The following RHOH variants were observed in gnomAD, a reference collection of about 807,000 sequenced individuals.
RHOH encodes the protein ras homolog family member H.
In RHOH, 6 loss-of-function variants were observed where a neutral mutation model predicts 13.8. The ratio of observed to expected loss-of-function variants is 0.44; its 90% CI spans 0.24 to 0.86. The LOEUF is 0.86. Among genes scored for constraint, RHOH ranks in the 40% least tolerant of loss-of-function variants. RHOH has a pLI of 0.24. For missense variants in RHOH, 147 were observed against 244.5 expected, an observed-to-expected ratio of 0.60 and a Z score of 2.66; for synonymous variants, 117 against 103.0, an observed-to-expected ratio of 1.14 and a Z score of -0.82.
chr4:40,227,831 C>T (rs1309227638), intron 1 of RHOH, among the ~76,000 whole-genome samples: 6 of 152,262 alleles, frequency 3.9e-5, no homozygotes, highest in African/African-American at 1.4e-4. Context: ...AAATTTTAAT[C>T]TTCACCAGTT....
rs191718829 is a variant in RHOH at position 40,211,030 on chromosome 4, T to C, written c.-331+13730T>C. On this transcript the variant is annotated intron_variant, in intron 1 of 2. Coordinates refer to ENST00000381799, the MANE Select transcript of RHOH (RefSeq NM_004310.5). ...CAGGTATGGAGTGGCAAACTAACAATGCGTGCCGTAGAGAATGTCATACAT... is the reference window on the plus strand; with the variant it reads ...CAGGTATGGAGTGGCAAACTAACAACGCGTGCCGTAGAGAATGTCATACAT... Among the ~76,000 whole-genome samples, 3 of 152,254 alleles carry C rather than the reference T, an allele frequency of 2.0e-5. No homozygotes were observed. In the East Asian group the frequency reaches 5.8e-4, roughly 29 times the overall value.
In RHOH at chr4:40,218,787, G is replaced by A. The variant is rs929881145; in HGVS notation, c.-331+21487G>A. On this transcript the variant is annotated intron_variant, in intron 1 of 2. Coordinates refer to ENST00000381799, the MANE Select transcript of RHOH (RefSeq NM_004310.5). This position sits in a 1 kb window ranked among gnomAD's most constrained non-coding sequence, Gnocchi z 4.1. ...GCGGATGAAAAAACAGGTTTGGAGT[G>A]GCTAAATGGCGTAAGCAAGGTCGTG... is the stretch of plus-strand genomic sequence containing the variant. 6.6e-6 allele frequency among the ~76,000 whole-genome samples: 1 copy of A among 152,172 alleles called. No individual in the cohort carries two copies. Among genetic ancestry groups the A allele is most frequent in the Non-Finnish European group, 1.5e-5 (1 of 68,030 alleles).
At chr4:40,214,315 C>G (rs1015920441) in intron 1 of RHOH, among the ~76,000 whole-genome samples, 3 of 152,118 alleles carry the variant, frequency 2.0e-5, no homozygotes, top group Admixed American at 6.5e-5. Context: ...TGGGGATTAC[C>G]CTCTGGTACA....
chr4:40,232,803 C>G (rs1038346047), intron 1 of RHOH, among the ~76,000 whole-genome samples: 8 of 152,098 alleles, frequency 5.3e-5, no homozygotes, highest in African/African-American at 1.7e-4. Context: ...ATTTTCATGC[C>G]CCTGGGCCTT....
Position 40,243,328 on chromosome 4 carries a change from C to T in RHOH, c.-59C>T. The stretch of plus-strand genomic sequence containing the variant: ...CTGAATGGCGTGTGCTGCAGCTGCC[C>T]ACTGAGGGCTCTTTTCCCTGGGATT... On this transcript the variant is annotated 5_prime_UTR_variant, in exon 3 of 3. Transcript: ENST00000381799. This position sits in a 1 kb window ranked among gnomAD's most constrained non-coding sequence, Gnocchi z 6.2. The T allele has an allele frequency of 4.8e-6, 7 of 1,453,796 alleles. No homozygotes were observed. Among genetic ancestry groups the T allele is most frequent in the Non-Finnish European group, 6.5e-6 (7 of 1,072,898 alleles). 90.1% of individuals were successfully genotyped at this position (1,453,796 alleles called of 1,614,324 possible). A position where few individuals can be genotyped will look rare whatever the true frequency, so the allele number is the denominator to read the frequency against.
intron 1 of RHOH, among the ~76,000 whole-genome samples, chr4:40,233,614 C>T (rs1053941406): frequency 4.1e-4 from 62 of 152,254 alleles, no homozygotes; most frequent in Non-Finnish European, 5.9e-5. Context: ...ATATTTTAGG[C>T]TTGGTTGCAA....
intron 1 of RHOH, among the ~76,000 whole-genome samples, chr4:40,200,110 G>A (rs529854955): frequency 6.5e-4 from 99 of 152,274 alleles, no homozygotes; most frequent in Non-Finnish European, 9.0e-4. Flanking sequence ...TGACAGTGTG[G>A]GGGCTGGGGT....
intron 1 of RHOH, among the ~76,000 whole-genome samples, chr4:40,224,190 A>G (rs1380630997): frequency 6.6e-6 from 1 of 152,246 alleles, no homozygotes; most frequent in Non-Finnish European, 1.5e-5. Flanking sequence ...GTATGTCTGT[A>G]TATCATACCC....
chr4:40,210,635 C>G (rs922495661), intron 1 of RHOH, among the ~76,000 whole-genome samples: 1 of 144,732 alleles, frequency 6.9e-6, no homozygotes, highest in Non-Finnish European at 1.5e-5. Flanking sequence ...GCATACATTC[C>G]TAACAGGCAG....
intron 1 of RHOH, among the ~76,000 whole-genome samples, chr4:40,203,528 G>A (rs2109367373): frequency 6.6e-6 from 1 of 150,808 alleles, no homozygotes; most frequent in East Asian, 1.9e-4. Flanking sequence ...GTGAGTGTGT[G>A]TGTGTGTGTG....
intron 1 of RHOH, among the ~76,000 whole-genome samples, chr4:40,203,416 C>T (rs1405622164): frequency 4.6e-5 from 7 of 152,190 alleles, no homozygotes; most frequent in African/African-American, 1.7e-4. Context: ...CAAATCCTCC[C>T]ACCCTATGAA....
At chr4:40,239,889 A>C (rs1729047047) in intron 1 of RHOH, among the ~76,000 whole-genome samples, 1 of 152,174 alleles carries the variant, frequency 6.6e-6, no homozygotes. Flanking sequence ...AGAAAAAAAA[A>C]AAAAGAATTT....
intron 1 of RHOH, among the ~76,000 whole-genome samples, chr4:40,233,129 TACTC>T (rs1241535466): frequency 2.0e-5 from 3 of 152,310 alleles, no homozygotes; most frequent in South Asian, 2.1e-4. Context: ...ACTTCTACGG[TACTC>T]ACTCTGTGCC....
chr4:40,238,793 C>A (rs1728908871), intron 1 of RHOH, among the ~76,000 whole-genome samples: 1 of 152,210 alleles, frequency 6.6e-6, no homozygotes. Context: ...AAGAGACATA[C>A]TTGGGCCACT....
chr4:40,200,758 T>G (rs1386858570), intron 1 of RHOH, among the ~76,000 whole-genome samples: 1 of 152,200 alleles, frequency 6.6e-6, no homozygotes, highest in African/African-American at 2.4e-5. Context: ...AAACGTACGG[T>G]GCCGCTCATT....
chr4:40,215,491 C>T (rs971201323), intron 1 of RHOH, among the ~76,000 whole-genome samples: 4 of 152,148 alleles, frequency 2.6e-5, no homozygotes, highest in African/African-American at 9.7e-5. Flanking sequence ...GGTCCTCCCT[C>T]GCTCCCTCCT....
intron 1 of RHOH, among the ~76,000 whole-genome samples, chr4:40,200,126 G>A (rs1723771415): frequency 6.6e-6 from 1 of 152,182 alleles, no homozygotes; most frequent in South Asian, 2.1e-4. Flanking sequence ...GGGGTGGGCT[G>A]TGAGAGCAAG....
chr4:40,243,351 A>G lies in RHOH; in HGVS notation c.-36A>G. The stretch of plus-strand genomic sequence containing the variant: ...CCCACTGAGGGCTCTTTTCCCTGGG[A>G]TTCTGGACTTCAGAGTAGGACAGCA... On this transcript the variant is annotated 5_prime_UTR_variant, in exon 3 of 3. Transcript: ENST00000381799. The surrounding 1 kb of genome is among the most constrained non-coding windows in gnomAD (Gnocchi z 6.2). 1 of 1,525,198 alleles carries G rather than the reference A, an allele frequency of 6.6e-7. No individual in the cohort carries two copies. The highest frequency in any genetic ancestry group is 2.3e-5 in the East Asian group (1 of 44,054). The allele number at this position is 1,525,198 out of a possible 1,614,324, so 94.5% of individuals were successfully genotyped here.
intron 1 of RHOH, among the ~76,000 whole-genome samples, chr4:40,219,229 T>C (rs1170686626): frequency 6.6e-6 from 1 of 152,020 alleles, no homozygotes. Flanking sequence ...CTGGCCAACA[T>C]GGTGAAACTC....
Sources: allele counts gnomAD v4.1 joint callset (sites outside exome capture counted in the v4.1 genomes callset), GRCh38; gene constraint gnomAD v4.1.1; non-coding constraint Gnocchi (gnomAD v3.1); transcripts MANE v1.5; gene names NCBI Gene and HGNC (gene_info 2026-07-23, HGNC 2026-07-21).